Variants in RBFOX1 observed in about 807,000 individuals in gnomAD.
RBFOX1 encodes RNA binding protein fox-1 homolog 1.
Under a neutral mutation model 57.7 loss-of-function variants are expected in RBFOX1, and 8 were observed. The ratio of observed to expected loss-of-function variants is 0.14; its 90% CI spans 0.08 to 0.25. The LOEUF is 0.25. RBFOX1 is among the 10% of genes least tolerant of loss of function. The pLI is 1.00. For synonymous variants in RBFOX1, 326 were observed against 222.4 expected (o/e 1.47, Z -4.15); for missense variants, 611 against 548.5 (o/e 1.11, Z -1.14).
intron 4 of RBFOX1, among the ~76,000 whole-genome samples, chr16:7,112,760 G>C (rs939653879): frequency 7.3e-5 from 11 of 151,278 alleles, no homozygotes; most frequent in South Asian, 2.1e-4. Context: ...ACAAGACTCA[G>C]GTTTGAGCTT....
intron 4 of RBFOX1, among the ~76,000 whole-genome samples, chr16:5,993,043 A>G (rs1020609257): frequency 1.3e-5 from 2 of 152,162 alleles, no homozygotes; most frequent in African/African-American, 4.8e-5. Flanking sequence ...CTTGAGCCTG[A>G]TCTTTCTCTA....
rs77716536 is a variant in RBFOX1 at position 7,323,581 on chromosome 16, G to T, written c.28-194566G>T. ...TCTCAGTTCATGGGGATAGCTCTGT[G>T]TTTGACTAACTCTACGGCCTTGGCC... On this transcript the variant is annotated intron_variant, in intron 4 of 15. Transcript: ENST00000550418. 8.5e-5 allele frequency among the ~76,000 whole-genome samples: 13 copies of T among 152,390 alleles called. No individual in the cohort carries two copies. The East Asian group carries it at 2.5e-3, about 29-fold the overall frequency.
chr16:5,906,738 T>C, intron 4 of RBFOX1, among the ~76,000 whole-genome samples: 1 of 138,038 alleles, frequency 7.2e-6, no homozygotes, highest in Non-Finnish European at 1.6e-5. Flanking sequence ...TTTTTTTTTT[T>C]TTTTTTTTTT....
intron 4 of RBFOX1, among the ~76,000 whole-genome samples, chr16:7,488,034 C>G (rs1188007053): frequency 2.0e-5 from 3 of 152,104 alleles, no homozygotes; most frequent in Non-Finnish European, 4.4e-5. Context: ...AAGGGGGCAC[C>G]TCGGCGGAAG....
At chr16:7,535,407 T>A (rs2081243359) in intron 5 of RBFOX1, among the ~76,000 whole-genome samples, 1 of 152,176 alleles carries the variant, frequency 6.6e-6, no homozygotes, top group Non-Finnish European at 1.5e-5. Context: ...TTTCCAGACA[T>A]CTCGCTGGAC....
intron 4 of RBFOX1, among the ~76,000 whole-genome samples, chr16:7,479,120 T>G (rs550431699): frequency 0.015 from 2,248 of 145,846 alleles, 65 homozygotes; most frequent in African/African-American, 0.058. Context: ...GTTTTGTTTT[T>G]TTTTTTTTAA....
intron 3 of RBFOX1, among the ~76,000 whole-genome samples, chr16:6,920,596 T>C (rs2074251585): frequency 6.6e-6 from 1 of 152,178 alleles, no homozygotes. Flanking sequence ...GAATTAGAAG[T>C]CTGAAATCAA....
chr16:7,234,790 C>T (rs2093687367), intron 4 of RBFOX1, among the ~76,000 whole-genome samples: 1 of 151,866 alleles, frequency 6.6e-6, no homozygotes, highest in South Asian at 2.1e-4. Flanking sequence ...TACATTCAAA[C>T]TCATTTTCAA....
chr16:5,355,645 G>A (rs74003885), intron 1 of RBFOX1, among the ~76,000 whole-genome samples: 7,564 of 152,184 alleles, frequency 0.05, 644 homozygotes, highest in African/African-American at 0.17. Context: ...GTTGAGGAGC[G>A]TCTCCTCCAA....
chr16:6,178,427 C>T (rs997365709), intron 1 of RBFOX1, among the ~76,000 whole-genome samples: 2 of 151,946 alleles, frequency 1.3e-5, no homozygotes, highest in African/African-American at 4.8e-5. Context: ...TCGTGATCTG[C>T]CCACCTCAGC....
At position 5,956,658 on chromosome 16, in the gene RBFOX1, TTA is replaced by T. The variant is rs1217474515; in HGVS notation, c.351+89343_351+89344del. ...AAAACAAATATATATATATATATAT[TTA>T]TATATATATATATATATATTTTTTT... On this transcript the variant is annotated intron_variant, in intron 4 of 19. Coordinates refer to the RBFOX1 transcript ENST00000641259. Among the ~76,000 whole-genome samples the T allele has an allele frequency of 4.0e-4, 41 of 101,974 alleles. 1 individual carries two copies. Among genetic ancestry groups the T allele is most frequent in the East Asian group, 7.0e-4 (2 of 2,874 alleles). 66.9% of individuals were successfully genotyped at this position (101,974 alleles called of 152,430 possible). A position where few individuals can be genotyped will look rare whatever the true frequency, so the allele number is the denominator to read the frequency against.
chr16:6,883,186 G>C (rs374669754), intron 3 of RBFOX1, among the ~76,000 whole-genome samples: 2 of 152,162 alleles, frequency 1.3e-5, no homozygotes, highest in African/African-American at 2.4e-5. Context: ...TTAATGTTCT[G>C]AACCTAAGCA....
chr16:7,503,636 G>T (rs1438798826), intron 4 of RBFOX1, among the ~76,000 whole-genome samples: 3 of 152,134 alleles, frequency 2.0e-5, no homozygotes, highest in Non-Finnish European at 4.4e-5. Context: ...AGAAAAAGTG[G>T]GCTGGTGAAA....
chr16:6,970,561 C>G (rs1598729029), intron 3 of RBFOX1, among the ~76,000 whole-genome samples: 2 of 152,138 alleles, frequency 1.3e-5, no homozygotes, highest in South Asian at 2.1e-4. Flanking sequence ...TGCCTTATAA[C>G]TGGTGCCCTG....
At chr16:7,176,533 A>T (rs74009300) in intron 4 of RBFOX1, among the ~76,000 whole-genome samples, 3,492 of 152,242 alleles carry the variant, frequency 0.023, 133 homozygotes, top group African/African-American at 0.08. Context: ...AAATACAGTT[A>T]TAGTGGAACA....
intron 4 of RBFOX1, among the ~76,000 whole-genome samples, chr16:7,223,572 C>A: frequency 6.6e-6 from 1 of 152,124 alleles, no homozygotes; most frequent in East Asian, 1.9e-4. Context: ...AGTAATTGTG[C>A]AGGAGATCCA....
chr16:6,676,029 C>T (rs1449174694), intron 3 of RBFOX1, among the ~76,000 whole-genome samples: 1 of 151,850 alleles, frequency 6.6e-6, no homozygotes, highest in East Asian at 1.9e-4. Flanking sequence ...GAAAAGAGGT[C>T]CTCAAAAGGT....
rs140499363 is a variant in RBFOX1 at position 6,155,489 on chromosome 16, C to G, written c.-127+135497C>G. ...ATTTTCCCCCCGTTCATGTAAAGCACTTCAAGGACTTGGTAATGGGACAAG... is the reference window on the plus strand; with the variant it reads ...ATTTTCCCCCCGTTCATGTAAAGCAGTTCAAGGACTTGGTAATGGGACAAG... On this transcript the variant is annotated intron_variant, in intron 1 of 15. Coordinates refer to ENST00000550418, the MANE Select transcript of RBFOX1 (RefSeq NM_018723.4). 2.1e-3 allele frequency among the ~76,000 whole-genome samples: 315 copies of G among 152,328 alleles called. 8 individuals are homozygous for G. Among genetic ancestry groups the G allele is most frequent in the Admixed American group, 0.016 (240 of 15,302 alleles).
At chr16:7,329,585 G>A (rs1016560157) in intron 4 of RBFOX1, among the ~76,000 whole-genome samples, 1 of 152,204 alleles carries the variant, frequency 6.6e-6, no homozygotes, top group Non-Finnish European at 1.5e-5. Context: ...TTTATGATTA[G>A]TGGAAGGTTT....
Sources: gnomAD v4.1 joint callset for allele counts (sites outside exome capture counted in the v4.1 genomes callset) on GRCh38, gnomAD v4.1.1 for gene constraint, MANE v1.5 for transcripts, NCBI Gene and HGNC (gene_info 2026-07-23, HGNC 2026-07-21) for gene names.